The following PGM5 variants were observed in gnomAD, a reference collection of about 807,000 sequenced individuals.
PGM5 encodes the protein phosphoglucomutase-like protein 5.
A neutral mutation model predicts 59.2 loss-of-function variants in PGM5; 23 were observed. That is an observed-to-expected ratio of 0.39 (90% CI 0.28 to 0.55). PGM5 has a LOEUF of 0.55. Ranked by LOEUF, PGM5 falls within the 20% of genes least tolerant of loss-of-function variation. The pLI is 0.66. For synonymous variants in PGM5, 214 were observed against 286.0 expected, an observed-to-expected ratio of 0.75 and a Z score of 2.54; for missense variants, 574 against 748.3, an observed-to-expected ratio of 0.77 and a Z score of 2.72.
At chr9:68,510,401 T>A (rs1396251948) in intron 10 of PGM5, among the ~76,000 whole-genome samples, 3 of 152,130 alleles carry the variant, frequency 2.0e-5, no homozygotes, top group Non-Finnish European at 4.4e-5. Context: ...TCCGCCCACC[T>A]CAGCCTCCCA....
intron 6 of PGM5, among the ~76,000 whole-genome samples, chr9:68,433,863 C>T (rs1297949621): frequency 2.0e-5 from 3 of 152,118 alleles, no homozygotes; most frequent in East Asian, 3.9e-4. Context: ...TTTTTGAAGG[C>T]TCAGGGCCAA....
At chr9:68,424,744 A>G (rs1252693863) in intron 6 of PGM5, among the ~76,000 whole-genome samples, 1 of 152,248 alleles carries the variant, frequency 6.6e-6, no homozygotes, top group Non-Finnish European at 1.5e-5. Context: ...AGTAAGGACT[A>G]CAGAATGTAG....
At chr9:68,411,524 A>G (rs1458911113) in intron 6 of PGM5, among the ~76,000 whole-genome samples, 3 of 148,988 alleles carry the variant, frequency 2.0e-5, no homozygotes, top group Non-Finnish European at 4.5e-5. Context: ...ATATTTAAGG[A>G]CAATCTAGAA....
At chr9:68,422,302 C>T (rs1554682408) in intron 6 of PGM5, among the ~76,000 whole-genome samples, 2 of 152,066 alleles carry the variant, frequency 1.3e-5, no homozygotes, top group African/African-American at 4.8e-5. Context: ...AGCAAACACT[C>T]AGTTTTTATT....
intron 9 of PGM5, among the ~76,000 whole-genome samples, chr9:68,487,176 T>TGAAA (rs1824309040): frequency 6.6e-6 from 1 of 152,108 alleles, no homozygotes; most frequent in Non-Finnish European, 1.5e-5. Context: ...GACACAGGAT[T>TGAAA]GAAAGCTGGC....
intron 6 of PGM5, among the ~76,000 whole-genome samples, chr9:68,421,154 C>A (rs1823122483): frequency 6.6e-6 from 1 of 152,194 alleles, no homozygotes; most frequent in African/African-American, 2.4e-5. Flanking sequence ...GTGTACTGAT[C>A]ATTTTCACAT....
At chr9:68,487,152 G>A (rs1311966092) in intron 9 of PGM5, among the ~76,000 whole-genome samples, 1 of 152,106 alleles carries the variant, frequency 6.6e-6, no homozygotes, top group African/African-American at 2.4e-5. Context: ...ATTCTCTTGT[G>A]TTGGAGTCAG....
At position 68,484,541 on chromosome 9, in the gene PGM5, A is replaced by AACAC. The variant is rs72293391; in HGVS notation, c.1479+527_1479+530dup. The stretch of plus-strand genomic sequence containing the variant: ...GGAGACAAAGTGAGACCATGTCTCA[A>AACAC]ACACACACACACACACACACACACA... On this transcript the variant is annotated intron_variant, in intron 9 of 10. Coordinates refer to ENST00000396396, the MANE Select transcript of PGM5 (RefSeq NM_021965.4). Among the ~76,000 whole-genome samples, 666 of 132,316 alleles carry AACAC rather than the reference A, an allele frequency of 5.0e-3. 7 individuals carry two copies. The highest frequency in any genetic ancestry group is 0.014 in the African/African-American group (475 of 33,582). The allele number at this position is 132,316 out of a possible 152,430, so 86.8% of individuals were successfully genotyped here.
intron 6 of PGM5, among the ~76,000 whole-genome samples, chr9:68,461,516 T>C (rs1823858264): frequency 6.6e-6 from 1 of 152,186 alleles, no homozygotes; most frequent in Non-Finnish European, 1.5e-5. Context: ...AAAATTCAGG[T>C]GTTGCCAATG....
chr9:68,494,358 C>T (rs1194001463), intron 9 of PGM5, among the ~76,000 whole-genome samples: 1 of 152,180 alleles, frequency 6.6e-6, no homozygotes, highest in African/African-American at 2.4e-5. Flanking sequence ...CTCCTACAGT[C>T]CCAGCCCAGT....
At chr9:68,524,673 A>G (rs1440089658) in intron 10 of PGM5, among the ~76,000 whole-genome samples, 1 of 151,796 alleles carries the variant, frequency 6.6e-6, no homozygotes, top group Non-Finnish European at 1.5e-5. Flanking sequence ...GTCCTACCCA[A>G]CTCCTCATCT....
intron 6 of PGM5, among the ~76,000 whole-genome samples, chr9:68,464,182 T>C (rs1268925908): frequency 6.6e-6 from 1 of 152,210 alleles, no homozygotes; most frequent in Admixed American, 6.5e-5. Flanking sequence ...ACTTGTAAAA[T>C]CTTATATATA....
intron 6 of PGM5, among the ~76,000 whole-genome samples, chr9:68,432,045 T>C (rs1823359416): frequency 6.6e-6 from 1 of 152,102 alleles, no homozygotes; most frequent in South Asian, 2.1e-4. Flanking sequence ...ATAATTCTTG[T>C]GGGGTTCTTT....
At chr9:68,406,866 A>G (rs1416470795) in intron 6 of PGM5, among the ~76,000 whole-genome samples, 1 of 150,570 alleles carries the variant, frequency 6.6e-6, no homozygotes, top group African/African-American at 2.4e-5. Context: ...GTGCTTCCAC[A>G]TTAAGGACTA....
At chr9:68,442,114 G>A (rs1268290717) in intron 6 of PGM5, among the ~76,000 whole-genome samples, 7 of 152,134 alleles carry the variant, frequency 4.6e-5, no homozygotes, top group African/African-American at 1.7e-4. Context: ...ACATAGTAAA[G>A]ATGTCATTTA....
In PGM5 at chr9:68,420,183, A is replaced by G. The variant is rs1159775061; in HGVS notation, c.1043+27710A>G. 2.6e-5 allele frequency among the ~76,000 whole-genome samples: 4 copies of G among 152,238 alleles called. 1 individual carries two copies. Among genetic ancestry groups the G allele is most frequent in the African/African-American group, 9.6e-5 (4 of 41,550 alleles). ...CCTCTGGGGGCTCCGAAGACCCTAG[A>G]GTTATGTTCCTCCCAGCAGCAAACC... On this transcript the variant is annotated intron_variant, in intron 6 of 10. Coordinates refer to ENST00000396396, the MANE Select transcript of PGM5 (RefSeq NM_021965.4).
chr9:68,526,213 A>G (rs952093316), intron 10 of PGM5, among the ~76,000 whole-genome samples: 1 of 152,168 alleles, frequency 6.6e-6, no homozygotes, highest in African/African-American at 2.4e-5. Context: ...TTCCTGGAAA[A>G]TGGCTGAAAA....
At position 68,356,856 on chromosome 9, in the gene PGM5, G is replaced by A. The variant is rs1834452245; in HGVS notation, c.-272G>A. 1 of 383,760 alleles carries A rather than the reference G, an allele frequency of 2.6e-6. No individual in the cohort carries two copies. Among genetic ancestry groups the A allele is most frequent in the African/African-American group, 2.1e-5 (1 of 47,034 alleles). 23.8% of individuals were successfully genotyped at this position (383,760 alleles called of 1,614,324 possible). Reference sequence around the variant, plus strand: ...TTGGGGAGAAACTGAGGGCAGCTCGGGCGGTCTGGCAGCGGAGAAGGTGGG... The same window carrying A: ...TTGGGGAGAAACTGAGGGCAGCTCGAGCGGTCTGGCAGCGGAGAAGGTGGG... On this transcript the variant is annotated 5_prime_UTR_variant, in exon 1 of 11. Transcript: ENST00000396396.
intron 9 of PGM5, among the ~76,000 whole-genome samples, chr9:68,496,376 G>T (rs894754859): frequency 1.8e-4 from 28 of 152,240 alleles, no homozygotes; most frequent in Non-Finnish European, 2.9e-4. Flanking sequence ...TGGGATTGTT[G>T]CAGCACAGAA....
Sources: gnomAD v4.1 joint callset for allele counts (sites outside exome capture counted in the v4.1 genomes callset) on GRCh38, gnomAD v4.1.1 for gene constraint, MANE v1.5 for transcripts, NCBI Gene and HGNC (gene_info 2026-07-23, HGNC 2026-07-21) for gene names.